Variants in AMPH observed in about 807,000 individuals in gnomAD.
The protein encoded by AMPH is amphiphysin (Stiff-Mann syndrome with breast cancer 128kD autoantigen).
AMPH carries 49 observed loss-of-function variants against 99.1 expected under a neutral mutation model. The ratio of observed to expected loss-of-function variants is 0.49; its 90% CI spans 0.39 to 0.63. The LOEUF (loss-of-function observed/expected upper bound fraction) is 0.63. Among genes scored for constraint, AMPH ranks in the 20% least tolerant of loss-of-function variants. The pLI, the probability that AMPH is intolerant of heterozygous loss-of-function variation, is 0.00. For missense variants in AMPH, 759 were observed against 863.4 expected, an observed-to-expected ratio of 0.88 and a Z score of 1.52; for synonymous variants, 314 against 317.3, an observed-to-expected ratio of 0.99 and a Z score of 0.11.
chr7:38,434,445 G>T (rs115371080), intron 12 of AMPH, among the ~76,000 whole-genome samples: 3,946 of 152,190 alleles, frequency 0.026, 184 homozygotes, highest in African/African-American at 0.09. Context: ...TGCCACAAAA[G>T]AAATGAAGCA....
At chr7:38,565,889 G>C (rs1791723240) in intron 1 of AMPH, among the ~76,000 whole-genome samples, 1 of 152,090 alleles carries the variant, frequency 6.6e-6, no homozygotes, top group Admixed American at 6.6e-5. Context: ...CCATTTAAAA[G>C]AGAAAATGCT....
At chr7:38,595,368 A>G (rs894982847) in intron 1 of AMPH, among the ~76,000 whole-genome samples, 4 of 152,094 alleles carry the variant, frequency 2.6e-5, no homozygotes, top group African/African-American at 9.7e-5. Context: ...TGTATGAAAA[A>G]GATATGTCTG....
intron 11 of AMPH, among the ~76,000 whole-genome samples, chr7:38,451,324 TAC>T (rs1418188724): frequency 6.1e-5 from 9 of 147,866 alleles, no homozygotes; most frequent in Admixed American, 2.7e-4. Context: ...TACACATATA[TAC>T]ACATGTATAT....
intron 14 of AMPH, among the ~76,000 whole-genome samples, 197 bp from the exon 15 acceptor site, chr7:38,427,183 A>G (rs1036737526): frequency 5.9e-5 from 9 of 151,358 alleles, no homozygotes; most frequent in Non-Finnish European, 1.2e-4. Context: ...CAAAAAAAAA[A>G]AGAAAGGTTA....
intron 2 of AMPH, among the ~76,000 whole-genome samples, chr7:38,532,453 C>T (rs998423306): frequency 2.6e-5 from 4 of 152,104 alleles, no homozygotes; most frequent in Non-Finnish European, 2.9e-5. Context: ...CAAATTTCCC[C>T]AAGTTTTGAA....
intron 1 of AMPH, among the ~76,000 whole-genome samples, chr7:38,558,077 A>T (rs987381646): frequency 1.3e-5 from 2 of 152,302 alleles, no homozygotes; most frequent in East Asian, 3.9e-4. Context: ...TCCATGAAAC[A>T]TTTAAGAGGT....
chr7:38,446,261 A>T (rs930172271), intron 11 of AMPH, among the ~76,000 whole-genome samples: 10 of 152,360 alleles, frequency 6.6e-5, no homozygotes, highest in African/African-American at 2.4e-4. Flanking sequence ...TCAATTTTTT[A>T]AAAAATTAAA....
chr7:38,498,927 G>A (rs537589146), intron 3 of AMPH, among the ~76,000 whole-genome samples: 3 of 152,178 alleles, frequency 2.0e-5, no homozygotes, highest in South Asian at 2.1e-4. Flanking sequence ...TCAAGAACCC[G>A]TGCTTCCTTC....
At chr7:38,553,542 C>T (rs1173252761) in intron 1 of AMPH, among the ~76,000 whole-genome samples, 3 of 152,226 alleles carry the variant, frequency 2.0e-5, no homozygotes, top group Admixed American at 1.3e-4. Context: ...TTTTAAAGCA[C>T]ATCAAGCAGT....
At chr7:38,586,682 C>A (rs2129056776) in intron 1 of AMPH, among the ~76,000 whole-genome samples, 1 of 152,312 alleles carries the variant, frequency 6.6e-6, no homozygotes, top group Admixed American at 6.5e-5. Context: ...AAGGTACACA[C>A]AGTCTACATT....
chr7:38,561,766 C>T (rs1791558049), intron 1 of AMPH, among the ~76,000 whole-genome samples: 1 of 152,126 alleles, frequency 6.6e-6, no homozygotes. Context: ...ATGAAGCCCC[C>T]ATAATGAGAT....
At chr7:38,628,605 T>C (rs574388119) in intron 1 of AMPH, among the ~76,000 whole-genome samples, 9 of 152,358 alleles carry the variant, frequency 5.9e-5, no homozygotes, top group Admixed American at 5.9e-4. Context: ...TTCATAATTA[T>C]GAAGTGAAAT....
chr7:38,515,542 C>A (rs1341021561), intron 2 of AMPH, among the ~76,000 whole-genome samples: 1 of 152,186 alleles, frequency 6.6e-6, no homozygotes, highest in Non-Finnish European at 1.5e-5. Context: ...AACTGTGAAC[C>A]AATTTAACCT....
intron 15 of AMPH, among the ~76,000 whole-genome samples, chr7:38,423,155 C>T (rs1350937319): frequency 6.6e-6 from 1 of 152,148 alleles, no homozygotes; most frequent in African/African-American, 2.4e-5. Context: ...AAAATTTAAA[C>T]TTTTTAAATG....
chr7:38,413,214 C>G (rs975173027), intron 17 of AMPH, among the ~76,000 whole-genome samples: 2 of 152,112 alleles, frequency 1.3e-5, no homozygotes, highest in Non-Finnish European at 2.9e-5. Flanking sequence ...TCATGGGAAA[C>G]TTTTAAGGTG....
chr7:38,461,291 G>T lies in AMPH; in HGVS notation c.1009C>A (p.Pro337Thr), dbSNP rs1173478637. 6.2e-7 allele frequency: 1 copy of T among 1,613,782 alleles called. No individual in the cohort carries two copies. Among genetic ancestry groups the T allele is most frequent in the South Asian group, 1.1e-5 (1 of 91,080 alleles). ...CTGAACCAGGCACTTACCTGGGAAG[G>T]TGTTGTCACACTGATTTCTGGAACA... ...NFVPEISVTT[P>T]SQNEVPEVKK... Residue 337 changes from proline to threonine, a missense_variant, in exon 11 of 21, where the codon CCT (proline) becomes ACT (threonine). Physicochemically the swap from Pro to Thr is conservative, Grantham distance 38. Coordinates refer to ENST00000356264, the MANE Select transcript of AMPH (RefSeq NM_001635.4).
Position 38,417,931 on chromosome 7 carries a change from G to A in AMPH, c.1292C>T (p.Pro431Leu). The change falls in exon 17 of 21, where the codon CCA becomes CTA. Residue 431 changes from proline to leucine, a missense_variant. Pro to Leu is a moderately conservative substitution (Grantham distance 98). Transcript: ENST00000356264. ...ICNLAESEQA[P>L]PTEPKAEEPL... Reference sequence around the variant, plus strand: ...CTCCTCTGCTTTTGGCTCTGTGGGTGGAGCCTGTTCAGATTCAGCCTTGGA... The same window carrying A: ...CTCCTCTGCTTTTGGCTCTGTGGGTAGAGCCTGTTCAGATTCAGCCTTGGA... The A allele has an allele frequency of 1.2e-6, 2 of 1,614,068 alleles. No homozygotes were observed. Among genetic ancestry groups the A allele is most frequent in the Non-Finnish European group, 8.5e-7 (1 of 1,179,954 alleles).
intron 3 of AMPH, among the ~76,000 whole-genome samples, chr7:38,496,401 C>G (rs35440398): frequency 6.6e-6 from 1 of 152,090 alleles, no homozygotes; most frequent in African/African-American, 2.4e-5. Context: ...GGGCACATTC[C>G]ACGAAGCCCT....
chr7:38,504,800 G>T (rs1227249749), intron 2 of AMPH, among the ~76,000 whole-genome samples: 2 of 152,182 alleles, frequency 1.3e-5, no homozygotes, highest in Non-Finnish European at 2.9e-5. Context: ...TCAGAAAAAG[G>T]TACTAGGGGC....
Sources: allele counts gnomAD v4.1 joint callset (sites outside exome capture counted in the v4.1 genomes callset), GRCh38; gene constraint gnomAD v4.1.1; transcripts MANE v1.5; gene names NCBI Gene and HGNC (gene_info 2026-07-23, HGNC 2026-07-21).